PCDHA1: variants seen among roughly 807,000 people sequenced by gnomAD.
The protein encoded by PCDHA1 is protocadherin alpha 1.
Under a neutral mutation model 61.3 loss-of-function variants are expected in PCDHA1, and 42 were observed. That is an observed-to-expected ratio of 0.69 (90% CI 0.54 to 0.89). PCDHA1 has a LOEUF of 0.89. Ranked by LOEUF, PCDHA1 falls within the 40% of genes least tolerant of loss-of-function variation. The pLI is 0.00. For synonymous variants in PCDHA1, 610 were observed against 553.8 expected (o/e 1.10, Z -1.43); for missense variants, 1,256 against 1,235.3 (o/e 1.02, Z -0.25).
At chr5:140,880,926 G>C (rs1554171610) in intron 1 of PCDHA1, among the ~76,000 whole-genome samples, 1 of 152,192 alleles carries the variant, frequency 6.6e-6, no homozygotes, top group African/African-American at 2.4e-5. Context: ...TACTATGTTA[G>C]TAAAAGTAAT....
intron 1 of PCDHA1, among the ~76,000 whole-genome samples, chr5:140,838,075 A>AGTGTGTG (rs781914509): frequency 1.3e-4 from 17 of 128,240 alleles, no homozygotes; most frequent in East Asian, 1.2e-3. Flanking sequence ...TTATATATAT[A>AGTGTGTG]TAGTGTGTGT....
chr5:140,795,858 C>G (rs1351948866), intron 1 of PCDHA1: 12 of 1,613,792 alleles, frequency 7.4e-6, no homozygotes, highest in Non-Finnish European at 1.0e-5. Flanking sequence ...TAGATCCCAT[C>G]TCAGGGGAAA....
At position 140,842,945 on chromosome 5, in the gene PCDHA1, G is replaced by T. The variant is rs2150348444; in HGVS notation, c.2394+54261G>T. The T allele has an allele frequency of 7.5e-6, 12 of 1,594,542 alleles. 1 individual carries two copies. In the East Asian group the frequency reaches 1.8e-4, roughly 24 times the overall value. On this transcript the variant is annotated intron_variant, in intron 1 of 3. Transcript: ENST00000504120. ...CCAGGTGAGCGCGCGCGACGCGGGC[G>T]TGCCGCCTCTGGGCAGCAACGTGAC...
intron 1 of PCDHA1, chr5:140,927,200 A>C (rs2083965383): frequency 6.2e-7 from 1 of 1,613,898 alleles, no homozygotes; most frequent in Non-Finnish European, 8.5e-7. Context: ...GTGCTCGAGG[A>C]CCCGCTGGAG....
chr5:140,823,846 G>T (rs1767898673), intron 1 of PCDHA1: 8 of 1,613,762 alleles, frequency 5.0e-6, no homozygotes, highest in African/African-American at 1.3e-5. Flanking sequence ...TCCCGAGGCT[G>T]CCCTGGTGGA....
chr5:140,847,369 A>G (rs1780982240), intron 1 of PCDHA1: 1 of 149,774 alleles, frequency 6.7e-6, no homozygotes. Context: ...ATACGAAATA[A>G]AAGATAAATA....
intron 1 of PCDHA1, among the ~76,000 whole-genome samples, chr5:140,887,198 G>A (rs1276345927): frequency 2.6e-5 from 4 of 151,490 alleles, no homozygotes; most frequent in Admixed American, 2.6e-4. Flanking sequence ...CCGGGTTCAC[G>A]CCATTCTCCT....
intron 1 of PCDHA1, among the ~76,000 whole-genome samples, chr5:140,840,023 C>T (rs1776518555): frequency 6.6e-6 from 1 of 151,996 alleles, no homozygotes; most frequent in African/African-American, 2.4e-5. Flanking sequence ...CTCATGGTCA[C>T]GTAGCGTATC....
intron 1 of PCDHA1, among the ~76,000 whole-genome samples, chr5:140,972,660 ATT>A (rs11350929): frequency 0.036 from 4,256 of 117,216 alleles, 192 homozygotes; most frequent in African/African-American, 0.13. Context: ...AAGAAACCAA[ATT>A]TTTTTTTTTT....
At chr5:140,883,003 C>A in intron 1 of PCDHA1, 5 of 1,614,050 alleles carry the variant, frequency 3.1e-6, no homozygotes, top group Non-Finnish European at 4.2e-6. Flanking sequence ...TTTACCAATC[C>A]GTTTATAAAG....
Position 141,009,737 on chromosome 5 carries a change from C to T in PCDHA1, c.2653C>T (p.Pro885Ser). The T allele has an allele frequency of 6.2e-7, 1 of 1,614,130 alleles. No homozygotes were observed. The highest frequency in any genetic ancestry group is 8.5e-7 in the Non-Finnish European group (1 of 1,180,024). Residue 885 changes from proline (P) to serine (S), a missense_variant, in exon 4 of 4, where the codon CCC becomes TCC. Physicochemically the swap from Pro to Ser is moderately conservative, Grantham distance 74 (BLOSUM62 -1). Coordinates refer to ENST00000504120, the MANE Select transcript of PCDHA1 (RefSeq NM_018900.4). ...NPKQSGPGEL[P>S]DKFIIPGSPA... Reference sequence around the variant, plus strand: ...CAAACAATCCGGTCCCGGTGAGTTGCCCGACAAATTCATTATCCCAGGATC... The same window carrying T: ...CAAACAATCCGGTCCCGGTGAGTTGTCCGACAAATTCATTATCCCAGGATC...
intron 3 of PCDHA1, among the ~76,000 whole-genome samples, chr5:140,993,462 T>TCA (rs3836747): frequency 0.1 from 14,588 of 140,880 alleles, 728 homozygotes; most frequent in Middle Eastern, 0.17. Context: ...TCTTTCTTTC[T>TCA]CACACACACA....
At chr5:140,870,737 G>A in intron 1 of PCDHA1, 1 of 1,613,478 alleles carries the variant, frequency 6.2e-7, no homozygotes, top group Non-Finnish European at 8.5e-7. Flanking sequence ...CCGCCTCTGA[G>A]CAGCAACGTG....
At chr5:140,829,294 C>T (rs2150165433) in intron 1 of PCDHA1, 1 of 1,614,256 alleles carries the variant, frequency 6.2e-7, no homozygotes, top group South Asian at 1.1e-5. Flanking sequence ...TGTCCACCTT[C>T]AAGAATTACT....
In PCDHA1 at chr5:140,858,360, G is replaced by A. The variant is rs782369682; in HGVS notation, c.2394+69676G>A. The stretch of plus-strand genomic sequence containing the variant: ...CCCAAGGCGGACCTCATGGCCTTCA[G>A]CCCCAGCCTTCCACCATGCCCAATG... On this transcript the variant is annotated intron_variant, in intron 1 of 3. Coordinates refer to ENST00000504120, the MANE Select transcript of PCDHA1 (RefSeq NM_018900.4). 3 of 1,592,532 alleles carry A rather than the reference G, an allele frequency of 1.9e-6. No homozygotes were observed. The South Asian group carries it at 3.3e-5, about 18-fold the overall frequency.
chr5:140,803,187 A>G, intron 1 of PCDHA1: 1 of 1,613,930 alleles, frequency 6.2e-7, no homozygotes, highest in Non-Finnish European at 8.5e-7. Context: ...CGCCACGGCC[A>G]CTGTGCTGGT....
At chr5:140,904,074 T>G (rs2070811489) in intron 1 of PCDHA1, among the ~76,000 whole-genome samples, 1 of 152,214 alleles carries the variant, frequency 6.6e-6, no homozygotes, top group East Asian at 1.9e-4. Flanking sequence ...GGGAACAGTA[T>G]TTGGTTACAT....
At chr5:140,978,222 G>A (rs997273847) in intron 1 of PCDHA1, among the ~76,000 whole-genome samples, 7 of 152,298 alleles carry the variant, frequency 4.6e-5, no homozygotes, top group East Asian at 1.9e-4. Context: ...AATGTATCAG[G>A]TTTTTCTTGG....
At chr5:140,791,809 C>G (rs1031913522) in intron 1 of PCDHA1, among the ~76,000 whole-genome samples, 1 of 151,928 alleles carries the variant, frequency 6.6e-6, no homozygotes, top group East Asian at 1.9e-4. Flanking sequence ...GCATCCACTC[C>G]CCTTGTTGTT....
Sources: allele counts gnomAD v4.1 joint callset (sites outside exome capture counted in the v4.1 genomes callset), GRCh38; gene constraint gnomAD v4.1.1; transcripts MANE v1.5; gene names NCBI Gene and HGNC (gene_info 2026-07-23, HGNC 2026-07-21).